The following RBM44 variants were observed in gnomAD, a reference collection of about 807,000 sequenced individuals.
RBM44 encodes the protein RNA-binding protein 44.
In RBM44, 66 loss-of-function variants were observed where a neutral mutation model predicts 105.1. The ratio of observed to expected loss-of-function variants is 0.63; its 90% CI spans 0.52 to 0.77. The LOEUF is 0.77. Ranked by LOEUF, RBM44 falls within the 30% of genes least tolerant of loss-of-function variation. The pLI is 0.00. For missense variants in RBM44, 1,122 were observed against 1,207.8 expected, an observed-to-expected ratio of 0.93 and a Z score of 1.05; for synonymous variants, 365 against 417.6, an observed-to-expected ratio of 0.87 and a Z score of 1.54.
At chr2:237,812,063 C>T (rs2061665088) in intron 1 of RBM44, among the ~76,000 whole-genome samples, 2 of 151,648 alleles carry the variant, frequency 1.3e-5, no homozygotes, top group African/African-American at 4.9e-5. Flanking sequence ...ACCACGTTAC[C>T]CAGCCTAGTC....
At chr2:237,825,666 C>T (rs1189228643) in intron 10 of RBM44, among the ~76,000 whole-genome samples, 1 of 152,116 alleles carries the variant, frequency 6.6e-6, no homozygotes, top group Non-Finnish European at 1.5e-5. Flanking sequence ...TTGTTTACTG[C>T]CTATCTCCAG....
At chr2:237,823,685 A>C in intron 9 of RBM44, 131 bp downstream of exon 9, 1 of 550,054 alleles carries the variant, frequency 1.8e-6, no homozygotes. Context: ...CTGATTATAA[A>C]TGTCAAGTAT....
chr2:237,819,675 G>A (rs1005838256), intron 4 of RBM44, among the ~76,000 whole-genome samples: 1 of 151,840 alleles, frequency 6.6e-6, no homozygotes, highest in African/African-American at 2.4e-5. Context: ...TGATATAATA[G>A]TACAGCAAAA....
intron 1 of RBM44, among the ~76,000 whole-genome samples, chr2:237,813,013 C>T (rs989334716): frequency 6.6e-6 from 1 of 152,102 alleles, no homozygotes; most frequent in Non-Finnish European, 1.5e-5. Context: ...TTATATTTTA[C>T]TCATTTCAGT....
chr2:237,837,312 A>C (rs1037561510), intron 15 of RBM44, among the ~76,000 whole-genome samples: 1 of 152,174 alleles, frequency 6.6e-6, no homozygotes, highest in Non-Finnish European at 1.5e-5. Context: ...TAAGAAATAC[A>C]TTTCATAAGG....
intron 13 of RBM44, among the ~76,000 whole-genome samples, chr2:237,833,006 G>T (rs1053755565): frequency 1.3e-5 from 2 of 152,204 alleles, no homozygotes; most frequent in African/African-American, 4.8e-5. Context: ...ATTAGCTGTT[G>T]TTGTTATTAC....
At chr2:237,839,916 G>T (rs544853092) in intron 15 of RBM44, among the ~76,000 whole-genome samples, 2 of 152,110 alleles carry the variant, frequency 1.3e-5, no homozygotes, top group Non-Finnish European at 2.9e-5. Context: ...GAATAGGCTG[G>T]GGAGGGGGTG....
intron 8 of RBM44, among the ~76,000 whole-genome samples, chr2:237,822,452 A>G (rs1181426527): frequency 6.6e-6 from 1 of 152,114 alleles, no homozygotes; most frequent in Non-Finnish European, 1.5e-5. Context: ...GCAATTGAAT[A>G]GGAAGGCTGG....
At chr2:237,833,194 G>A (rs2061919964) in intron 13 of RBM44, among the ~76,000 whole-genome samples, 1 of 152,156 alleles carries the variant, frequency 6.6e-6, no homozygotes, top group Non-Finnish European at 1.5e-5. Context: ...TACTCTTAAG[G>A]AGCTAAAATC....
intron 10 of RBM44, among the ~76,000 whole-genome samples, chr2:237,825,194 A>G (rs2061835985): frequency 1.3e-5 from 2 of 151,970 alleles, no homozygotes; most frequent in African/African-American, 2.4e-5. Context: ...AAGTAGCATT[A>G]TGTCATCTAG....
chr2:237,831,842 A>AT (rs1395035514), intron 13 of RBM44, among the ~76,000 whole-genome samples: 4 of 151,764 alleles, frequency 2.6e-5, no homozygotes, highest in Non-Finnish European at 4.4e-5. Context: ...TGTGGGATTG[A>AT]TTTGTTTGGT....
Position 237,817,081 on chromosome 2 carries a change from G to T in RBM44, c.162G>T (p.Trp54Cys). 6.2e-7 allele frequency: 1 copy of T among 1,604,708 alleles called. No individual in the cohort carries two copies. Among genetic ancestry groups the T allele is most frequent in the Non-Finnish European group, 8.5e-7 (1 of 1,176,286 alleles). ...EVKLTFPDDD[W>C]NSSTLEQRAN... ...AATTGACTTTTCCTGATGATGACTG[G>T]AATTCTTCGACACTAGAGCAAAGAG... The change falls in exon 3 of 16, where the codon TGG becomes TGT. Residue 54 changes from tryptophan to cysteine, a missense_variant. By Grantham distance (215) the Trp-to-Cys change is radical. This residue lies in a region of RBM44 where 918 missense variants were observed against 955.3 expected (regional missense o/e 0.96). Transcript: ENST00000316997.
Position 237,820,181 on chromosome 2 carries a change from T to G in RBM44, c.1743T>G (p.Phe581Leu). The G allele has an allele frequency of 6.6e-7, 1 of 1,510,450 alleles. No individual in the cohort carries two copies. The highest frequency in any genetic ancestry group is 8.9e-7 in the Non-Finnish European group (1 of 1,126,834). 93.6% of individuals were successfully genotyped at this position (1,510,450 alleles called of 1,614,324 possible). A position where few individuals can be genotyped will look rare whatever the true frequency, so the allele number is the denominator to read the frequency against. The change falls in exon 5 of 16, where the codon TTT becomes TTG. Residue 581 changes from phenylalanine to leucine, a missense_variant. Coordinates refer to ENST00000316997, the MANE Select transcript of RBM44 (RefSeq NM_001080504.3). The stretch of plus-strand genomic sequence containing the variant: ...CTATCTTTTATTTTTAAAGGGAATT[T>G]CAACTTTTTAAAGATACAGAGAAGG... The part of the protein sequence containing the change: ...TDLKKHPERE[F>L]QLFKDTEKDL...
chr2:237,829,090 G>T (rs1227631040), intron 12 of RBM44, 127 bp from the exon 13 acceptor site: 5 of 654,838 alleles, frequency 7.6e-6, no homozygotes, highest in Non-Finnish European at 1.3e-5. Context: ...GGTAAGTACA[G>T]CAACCTTTTT....
chr2:237,814,531 A>G (rs1318500319), intron 2 of RBM44, among the ~76,000 whole-genome samples: 1 of 152,138 alleles, frequency 6.6e-6, no homozygotes, highest in Admixed American at 6.6e-5. Flanking sequence ...AAATAAACTT[A>G]AAAAAATCTA....
At chr2:237,811,836 C>T (rs1181736283) in intron 1 of RBM44, among the ~76,000 whole-genome samples, 5 of 152,092 alleles carry the variant, frequency 3.3e-5, no homozygotes, top group African/African-American at 1.2e-4. Context: ...TTTCAGTCTT[C>T]TCTTAACGAG....
rs56335318 is a variant in RBM44, at chr2:237,822,502, G to C, written c.2205+675G>C. Among the ~76,000 whole-genome samples, 1,039 of 152,072 alleles carry C rather than the reference G, an allele frequency of 6.8e-3. 15 individuals carry two copies. Among genetic ancestry groups the C allele is most frequent in the African/African-American group, 0.023 (964 of 41,512 alleles). ...TTCTGACCTTGGTTTTAACCCTGAG[G>C]TTTCTTTATTTGAGTAATATTAATC... On this transcript the variant is annotated intron_variant, in intron 8 of 15. Coordinates refer to ENST00000316997, the MANE Select transcript of RBM44 (RefSeq NM_001080504.3).
intron 2 of RBM44, among the ~76,000 whole-genome samples, chr2:237,816,118 G>T (rs114552038): frequency 6.6e-6 from 1 of 152,116 alleles, no homozygotes; most frequent in Non-Finnish European, 1.5e-5. Flanking sequence ...TTGTACTTGC[G>T]TTGGATTTGC....
At chr2:237,823,387 G>C (rs1163136400) in intron 8 of RBM44, 53 bp from the exon 9 acceptor site, 1 of 811,928 alleles carries the variant, frequency 1.2e-6, no homozygotes, top group Admixed American at 2.3e-5. Flanking sequence ...CACATAGTAA[G>C]AGCATAATAA....
Sources: allele counts gnomAD v4.1 joint callset (sites outside exome capture counted in the v4.1 genomes callset), GRCh38; gene constraint gnomAD v4.1.1; regional missense constraint gnomAD v4.1.1; transcripts MANE v1.5; gene names NCBI Gene and HGNC (gene_info 2026-07-23, HGNC 2026-07-21).